The following ERCC8 variants were observed in gnomAD, a reference collection of about 807,000 sequenced individuals.
ERCC8 encodes DNA excision repair protein ERCC-8.
Under a neutral mutation model 54.9 loss-of-function variants are expected in ERCC8, and 52 were observed. The observed-to-expected ratio is 0.95, with a 90% confidence interval of 0.76 to 1.19. The LOEUF is 1.19. ERCC8 is among the 50% of genes most tolerant of loss of function. ERCC8 has a pLI of 0.00. For missense variants in ERCC8, 514 were observed against 466.1 expected, an observed-to-expected ratio of 1.10 and a Z score of -0.95; for synonymous variants, 146 against 157.2, an observed-to-expected ratio of 0.93 and a Z score of 0.53.
chr5:60,885,310 G>C (rs1449475449), intron 11 of ERCC8, among the ~76,000 whole-genome samples: 1 of 151,940 alleles, frequency 6.6e-6, no homozygotes, highest in Non-Finnish European at 1.5e-5. Context: ...CACCACACCT[G>C]GCCACATATT....
Position 60,870,722 on chromosome 5 carries a change from A to G in ERCC8, c.*3893T>C, listed in dbSNP as rs1264888521. Among the ~76,000 whole-genome samples, 1 of 151,834 alleles carries G rather than the reference A, an allele frequency of 6.6e-6. No individual in the cohort carries two copies. Among genetic ancestry groups the G allele is most frequent in the African/African-American group, 2.4e-5 (1 of 41,398 alleles). On this transcript the variant is annotated 3_prime_UTR_variant, in exon 12 of 12. Transcript: ENST00000676185. The stretch of plus-strand genomic sequence containing the variant: ...GAGGTCAGTTACATGCAATTTTTAG[A>G]TAATCCAAAAAAGAAGAAGGAAAAA...
chr5:60,910,357 C>A (rs1177389488), intron 4 of ERCC8, among the ~76,000 whole-genome samples: 1 of 152,026 alleles, frequency 6.6e-6, no homozygotes, highest in Admixed American at 6.6e-5. Flanking sequence ...TTCAAGAGTG[C>A]CCTGCTGTTT....
In ERCC8 at chr5:60,918,402, A is replaced by T. The variant is rs778731917; in HGVS notation, c.276-14T>A. On this transcript the variant is annotated splice_polypyrimidine_tract_variant and intron_variant, in intron 3 of 11. Coordinates refer to ENST00000676185, the MANE Select transcript of ERCC8 (RefSeq NM_000082.4). ...TCAGGATGATCTCTACAAAACAGCA[A>T]TCAAAATTTACATTAACTGACTTAT... 1 of 1,606,966 alleles carries T rather than the reference A, an allele frequency of 6.2e-7. No individual in the cohort carries two copies. Among genetic ancestry groups the T allele is most frequent in the South Asian group, 1.1e-5 (1 of 90,984 alleles).
intron 1 of ERCC8, among the ~76,000 whole-genome samples, chr5:60,942,866 C>G (rs1750302892): frequency 6.6e-6 from 1 of 152,050 alleles, no homozygotes; most frequent in South Asian, 2.1e-4. Context: ...TATCAGTGTT[C>G]ATCCTTTTGC....
At chr5:60,895,815 C>G (rs1195681297) in intron 9 of ERCC8, among the ~76,000 whole-genome samples, 3 of 152,132 alleles carry the variant, frequency 2.0e-5, no homozygotes, top group Non-Finnish European at 4.4e-5. Context: ...CTCAGGACAC[C>G]TAGTTATAAA....
At chr5:60,938,062 T>C (rs1461340077) in intron 1 of ERCC8, among the ~76,000 whole-genome samples, 2 of 27,068 alleles carry the variant, frequency 7.4e-5, no homozygotes, top group Non-Finnish European at 1.6e-4. Context: ...TATATATATA[T>C]ATATATATAT....
At chr5:60,892,093 C>T in intron 9 of ERCC8, 1 of 528,436 alleles carries the variant, frequency 1.9e-6, no homozygotes, top group Admixed American at 2.0e-5. Context: ...CTCCATGATC[C>T]TCTGCAGTAC....
chr5:60,934,206 T>G (rs1179274945), intron 1 of ERCC8, among the ~76,000 whole-genome samples: 1 of 152,218 alleles, frequency 6.6e-6, no homozygotes. Context: ...CCACTGGCAG[T>G]GGAAAAGTGT....
chr5:60,921,997 T>A, intron 3 of ERCC8, 57 bp downstream of exon 3: 1 of 1,230,242 alleles, frequency 8.1e-7, no homozygotes. Flanking sequence ...TTGCATTCGA[T>A]GCAAAAAATA....
chr5:60,930,686 A>T (rs1749883481), intron 1 of ERCC8, among the ~76,000 whole-genome samples: 1 of 152,238 alleles, frequency 6.6e-6, no homozygotes, highest in Non-Finnish European at 1.5e-5. Context: ...AGATCGCGCC[A>T]CTGCACTCCA....
chr5:60,899,522 A>C, intron 8 of ERCC8, 105 bp downstream of exon 8: 1 of 796,520 alleles, frequency 1.3e-6, no homozygotes, highest in South Asian at 1.4e-5. Context: ...AAAAATCATA[A>C]AGTTTGCAAT....
At chr5:60,940,827 T>A (rs923739429) in intron 1 of ERCC8, among the ~76,000 whole-genome samples, 6 of 152,196 alleles carry the variant, frequency 3.9e-5, no homozygotes, top group Non-Finnish European at 7.3e-5. Flanking sequence ...AATATCAACA[T>A]TCTTCATAGG....
intron 1 of ERCC8, 120 bp from the exon 2 acceptor site, chr5:60,929,079 C>T (rs1749832918): frequency 1.5e-6 from 1 of 656,098 alleles, no homozygotes; most frequent in South Asian, 1.9e-5. Context: ...TTCTACCACA[C>T]ATCCTAACGT....
At chr5:60,921,042 C>T (rs1426961784) in intron 3 of ERCC8, among the ~76,000 whole-genome samples, 1 of 151,778 alleles carries the variant, frequency 6.6e-6, no homozygotes, top group Non-Finnish European at 1.5e-5. Context: ...AAGTACATTG[C>T]TTTTCACTTA....
intron 1 of ERCC8, among the ~76,000 whole-genome samples, chr5:60,933,287 C>T (rs763193486): frequency 1.5e-5 from 2 of 134,592 alleles, no homozygotes; most frequent in Non-Finnish European, 3.1e-5. Flanking sequence ...GGTGCAATCT[C>T]GGCTCACTGC....
At chr5:60,912,171 A>T (rs1749287413) in intron 4 of ERCC8, among the ~76,000 whole-genome samples, 1 of 152,052 alleles carries the variant, frequency 6.6e-6, no homozygotes, top group Non-Finnish European at 1.5e-5. Context: ...CAATCTATAA[A>T]TTACCTTGGG....
At chr5:60,881,944 G>A (rs1748247481) in intron 11 of ERCC8, among the ~76,000 whole-genome samples, 1 of 152,314 alleles carries the variant, frequency 6.6e-6, no homozygotes, top group East Asian at 1.9e-4. Flanking sequence ...CCTGTCTTCT[G>A]CATTGCTCAC....
intron 4 of ERCC8, among the ~76,000 whole-genome samples, chr5:60,908,417 T>C (rs1309545848): frequency 1.3e-5 from 2 of 151,986 alleles, no homozygotes; most frequent in African/African-American, 4.8e-5. Context: ...ATTATCTTCA[T>C]TTGGATTTCC....
intron 1 of ERCC8, among the ~76,000 whole-genome samples, chr5:60,938,002 T>C (rs1365623863): frequency 6.8e-6 from 1 of 148,098 alleles, no homozygotes; most frequent in Non-Finnish European, 1.5e-5. Flanking sequence ...TGAGTTAATA[T>C]GTATGCGTGT....
Sources: gnomAD v4.1 joint callset for allele counts (sites outside exome capture counted in the v4.1 genomes callset) on GRCh38, gnomAD v4.1.1 for gene constraint, MANE v1.5 for transcripts, NCBI Gene and HGNC (gene_info 2026-07-23, HGNC 2026-07-21) for gene names.